The following AFF3 variants were observed in gnomAD, a reference collection of about 807,000 sequenced individuals.
The protein encoded by AFF3 is AF4/FMR2 family member 3.
In AFF3, 32 loss-of-function variants were observed where a neutral mutation model predicts 129.7. The ratio of observed to expected loss-of-function variants is 0.25; its 90% CI spans 0.19 to 0.33. The LOEUF (loss-of-function observed/expected upper bound fraction) is 0.33. Ranked by LOEUF, AFF3 falls within the 10% of genes least tolerant of loss-of-function variation. The pLI, the probability that AFF3 is intolerant of heterozygous loss-of-function variation, is 1.00. For synonymous variants in AFF3, 644 were observed against 635.4 expected, an observed-to-expected ratio of 1.01 and a Z score of -0.20; for missense variants, 1,373 against 1,592.0, an observed-to-expected ratio of 0.86 and a Z score of 2.34.
intron 7 of AFF3, among the ~76,000 whole-genome samples, chr2:99,892,070 C>A (rs1693605299): frequency 6.6e-6 from 1 of 152,158 alleles, no homozygotes; most frequent in African/African-American, 2.4e-5. Flanking sequence ...GATCCGCCCG[C>A]CTTGGCCTCC....
rs1012459930 is a variant in AFF3 at position 99,668,938 on chromosome 2, T to C, written c.1143+3600A>G. 2.6e-5 allele frequency among the ~76,000 whole-genome samples: 4 copies of C among 152,292 alleles called. No homozygotes were observed. The East Asian group carries it at 7.7e-4, about 29-fold the overall frequency. ...TTCTTAATTCATTTTATAAGATCAGTATTACCCTGATATCAAAACTAGCCA... is the reference window on the plus strand; with the variant it reads ...TTCTTAATTCATTTTATAAGATCAGCATTACCCTGATATCAAAACTAGCCA... On this transcript the variant is annotated intron_variant, in intron 12 of 24. Transcript: ENST00000672756.
At chr2:99,648,592 A>G (rs1684902543) in intron 13 of AFF3, among the ~76,000 whole-genome samples, 2 of 152,172 alleles carry the variant, frequency 1.3e-5, no homozygotes, top group Admixed American at 1.3e-4. Flanking sequence ...ACTCATGCTC[A>G]GTCTGCCACC....
chr2:100,035,415 C>T (rs570501098), intron 4 of AFF3, among the ~76,000 whole-genome samples: 2 of 152,292 alleles, frequency 1.3e-5, no homozygotes, highest in African/African-American at 4.8e-5. Context: ...AGTAAGCAGA[C>T]ATCCCAATGA....
intron 7 of AFF3, among the ~76,000 whole-genome samples, chr2:99,948,192 C>T (rs953423122): frequency 1.3e-5 from 2 of 152,132 alleles, no homozygotes; most frequent in African/African-American, 4.8e-5. Context: ...GGGTGGGACT[C>T]GGAGCTCTCT....
At chr2:99,904,946 A>G (rs1694606369) in intron 7 of AFF3, among the ~76,000 whole-genome samples, 1 of 151,984 alleles carries the variant, frequency 6.6e-6, no homozygotes, top group Admixed American at 6.6e-5. Context: ...CTAGGTGCCC[A>G]GTGGCCCCAT....
intron 7 of AFF3, among the ~76,000 whole-genome samples, chr2:99,873,732 T>G (rs556678693): frequency 2.6e-5 from 4 of 152,024 alleles, no homozygotes; most frequent in East Asian, 3.9e-4. Context: ...TTAGTGGTTT[T>G]TTTTTTTTTT....
At chr2:99,621,846 C>T (rs578116999) in intron 13 of AFF3, among the ~76,000 whole-genome samples, 136 of 152,064 alleles carry the variant, frequency 8.9e-4, no homozygotes, top group Admixed American at 1.8e-3. Context: ...CCAGGCAAAG[C>T]GGGTGGAATA....
intron 7 of AFF3, among the ~76,000 whole-genome samples, chr2:99,928,749 A>G (rs1439440373): frequency 6.6e-6 from 1 of 152,206 alleles, no homozygotes. Flanking sequence ...GTGCTGGGTA[A>G]GGTAACACCA....
At chr2:99,654,710 A>T (rs1419458319) in intron 12 of AFF3, among the ~76,000 whole-genome samples, 1 of 152,194 alleles carries the variant, frequency 6.6e-6, no homozygotes, top group African/African-American at 2.4e-5. Flanking sequence ...TGAGTTCATT[A>T]TTCATTACGA....
intron 11 of AFF3, among the ~76,000 whole-genome samples, chr2:99,706,805 C>T (rs1010899409): frequency 2.6e-5 from 4 of 152,220 alleles, no homozygotes; most frequent in African/African-American, 9.6e-5. Flanking sequence ...AGCTGTTTGG[C>T]TTTGAGGGAA....
At chr2:99,680,429 C>A (rs1353024845) in intron 11 of AFF3, among the ~76,000 whole-genome samples, 1 of 152,142 alleles carries the variant, frequency 6.6e-6, no homozygotes, top group African/African-American at 2.4e-5. Context: ...CTTTCCCGGG[C>A]AGACAGCAGA....
At chr2:99,893,019 G>A (rs1458416990) in intron 7 of AFF3, among the ~76,000 whole-genome samples, 1 of 152,120 alleles carries the variant, frequency 6.6e-6, no homozygotes, top group Non-Finnish European at 1.5e-5. Context: ...CCAAGGGTGG[G>A]CAAGGAAGGG....
At chr2:99,633,423 G>A (rs1683316019) in intron 13 of AFF3, among the ~76,000 whole-genome samples, 1 of 152,176 alleles carries the variant, frequency 6.6e-6, no homozygotes, top group African/African-American at 2.4e-5. Context: ...CGTATGGGTA[G>A]AAGGTGGCCA....
At chr2:99,649,143 G>A (rs1005123623) in intron 13 of AFF3, among the ~76,000 whole-genome samples, 2 of 152,026 alleles carry the variant, frequency 1.3e-5, no homozygotes, top group African/African-American at 4.8e-5. Context: ...GGAGAAAGAC[G>A]CCAAAGCAAG....
intron 7 of AFF3, among the ~76,000 whole-genome samples, chr2:99,861,368 C>T (rs139047540): frequency 1.4e-3 from 218 of 152,242 alleles, no homozygotes; most frequent in African/African-American, 4.8e-3. Flanking sequence ...AGAACAAGGG[C>T]TTTAGAGCCA....
intron 4 of AFF3, among the ~76,000 whole-genome samples, chr2:100,036,148 A>C (rs1386974314): frequency 3.1e-4 from 47 of 150,278 alleles, no homozygotes; most frequent in African/African-American, 9.2e-4. Context: ...AAAAAAAAAA[A>C]AAAAAAAAAA....
At chr2:99,692,280 C>A (rs1675744854) in intron 11 of AFF3, among the ~76,000 whole-genome samples, 1 of 152,186 alleles carries the variant, frequency 6.6e-6, no homozygotes, top group African/African-American at 2.4e-5. Flanking sequence ...TCTGATTTGG[C>A]CCTTGTTGAG....
intron 7 of AFF3, among the ~76,000 whole-genome samples, chr2:99,844,984 A>G (rs1386770097): frequency 6.6e-6 from 1 of 152,182 alleles, no homozygotes; most frequent in East Asian, 1.9e-4. Context: ...TATTTACAAA[A>G]TGAAAGTCCT....
chr2:100,064,850 T>C (rs931807981), intron 4 of AFF3, among the ~76,000 whole-genome samples: 15 of 152,358 alleles, frequency 9.8e-5, no homozygotes, highest in African/African-American at 2.4e-4. Context: ...ATAAATTCTA[T>C]AGATTCATTA....
Sources: gnomAD v4.1 joint callset for allele counts (sites outside exome capture counted in the v4.1 genomes callset) on GRCh38, gnomAD v4.1.1 for gene constraint, MANE v1.5 for transcripts, NCBI Gene and HGNC (gene_info 2026-07-23, HGNC 2026-07-21) for gene names.